TMEM135: variants seen among roughly 807,000 people sequenced by gnomAD.
TMEM135 encodes the protein transmembrane protein 135, also known as peroxisomal membrane protein 52.
Under a neutral mutation model 60.3 loss-of-function variants are expected in TMEM135, and 30 were observed. The observed-to-expected ratio is 0.50, with a 90% CI of 0.37 to 0.68. TMEM135 has a LOEUF of 0.68. TMEM135 is among the 30% of genes least tolerant of loss of function. The pLI, the probability that TMEM135 is intolerant of heterozygous loss-of-function variation, is 0.00. For missense variants in TMEM135, 468 were observed against 548.8 expected (o/e 0.85, Z 1.47); for synonymous variants, 190 against 186.7 (o/e 1.02, Z -0.14).
rs1270073290 is a variant in TMEM135, at chr11:87,327,756, A to G, written c.*6423A>G. 2 of 453,896 alleles carry G rather than the reference A, an allele frequency of 4.4e-6. No individual in the cohort carries two copies. The highest frequency in any genetic ancestry group is 8.8e-6 in the Non-Finnish European group (2 of 226,784). The allele number at this position is 453,896 out of a possible 1,614,324, so 28.1% of individuals were successfully genotyped here. A position where few individuals can be genotyped will look rare whatever the true frequency, so the allele number is the denominator to read the frequency against. On this transcript the variant is annotated 3_prime_UTR_variant, in exon 15 of 15. Transcript: ENST00000305494. Reference sequence around the variant, plus strand: ...CCAAGGCTGAATTTTCAAGTCTGAGAACCTGGGGGTGGGATGGGGGAGTGA... The same window carrying G: ...CCAAGGCTGAATTTTCAAGTCTGAGGACCTGGGGGTGGGATGGGGGAGTGA...
intron 6 of TMEM135, among the ~76,000 whole-genome samples, chr11:87,269,300 G>A: frequency 8.7e-6 from 1 of 115,078 alleles, no homozygotes; most frequent in Non-Finnish European, 1.9e-5. Flanking sequence ...TTTTTTTTAT[G>A]AGGAAGCTTT....
intron 5 of TMEM135, among the ~76,000 whole-genome samples, chr11:87,228,322 G>T (rs1468980789): frequency 1.3e-5 from 2 of 152,120 alleles, no homozygotes; most frequent in African/African-American, 4.8e-5. Context: ...GATCATGAAG[G>T]CTCCTGAATC....
Position 87,323,041 on chromosome 11 carries a change from TTATCCAGAAATTGTGCTTATA to T in TMEM135, c.*1712_*1732del, listed in dbSNP as rs1942852775. ...CCCTGAGAACTGCACCTCATTTTCT[TTATCCAGAAATTGTGCTTATA>T]TATTTTCCTGTCAGGTTTAAAAAGA... On this transcript the variant is annotated 3_prime_UTR_variant, in exon 15 of 15. Transcript: ENST00000305494. 2 of 454,272 alleles carry T rather than the reference TTATCCAGAAATTGTGCTTATA, an allele frequency of 4.4e-6. No individual in the cohort carries two copies. The highest frequency in any genetic ancestry group is 8.8e-6 in the Non-Finnish European group (2 of 226,718). The allele number at this position is 454,272 out of a possible 1,614,324, so 28.1% of individuals were successfully genotyped here. A position where few individuals can be genotyped will look rare whatever the true frequency, so the allele number is the denominator to read the frequency against.
At chr11:87,320,170 A>G (rs1424777073) in intron 14 of TMEM135, among the ~76,000 whole-genome samples, 1 of 152,178 alleles carries the variant, frequency 6.6e-6, no homozygotes, top group Non-Finnish European at 1.5e-5. Context: ...ATATGCATTT[A>G]ATCCTTAAAT....
At chr11:87,245,368 C>A (rs182760733) in intron 6 of TMEM135, among the ~76,000 whole-genome samples, 28 of 77,908 alleles carry the variant, frequency 3.6e-4, no homozygotes, top group Non-Finnish European at 5.3e-4. Flanking sequence ...CTGTTAGGTC[C>A]GCTTGGTGCA....
At chr11:87,311,819 C>G (rs937617850) in intron 10 of TMEM135, among the ~76,000 whole-genome samples, 2 of 151,748 alleles carry the variant, frequency 1.3e-5, no homozygotes, top group African/African-American at 4.8e-5. Context: ...GTTAACTGAC[C>G]CTTTTTTAAA....
chr11:87,046,816 G>T (rs1264576765), intron 1 of TMEM135, among the ~76,000 whole-genome samples: 2 of 152,174 alleles, frequency 1.3e-5, no homozygotes, highest in Admixed American at 1.3e-4. Flanking sequence ...AGAGATTGAG[G>T]TGGTAGTGTT....
chr11:87,295,907 A>G (rs529701062), intron 7 of TMEM135, 84 bp downstream of exon 7: 1 of 1,092,312 alleles, frequency 9.2e-7, no homozygotes, highest in South Asian at 1.4e-5. Context: ...ATAGGTATTG[A>G]CTAAGCATTT....
At chr11:87,118,577 T>C (rs182928514) in intron 4 of TMEM135, among the ~76,000 whole-genome samples, 1 of 152,162 alleles carries the variant, frequency 6.6e-6, no homozygotes, top group East Asian at 1.9e-4. Context: ...GCCTCCCAAG[T>C]AGCTGGGATA....
rs182295683 is a variant in TMEM135, at chr11:87,327,875, G to C, written c.*6542G>C. 9 of 454,028 alleles carry C rather than the reference G, an allele frequency of 2.0e-5. No individual in the cohort carries two copies. The highest frequency in any genetic ancestry group is 3.5e-5 in the Non-Finnish European group (8 of 226,770). 28.1% of individuals were successfully genotyped at this position (454,028 alleles called of 1,614,324 possible). A position where few individuals can be genotyped will look rare whatever the true frequency, so the allele number is the denominator to read the frequency against. ...GAGTGTATCCCTGCTGCAGGGGAGA[G>C]AGAGAAGCCAATTCTCCTTTCTTCT... On this transcript the variant is annotated 3_prime_UTR_variant, in exon 15 of 15. Coordinates refer to ENST00000305494, the MANE Select transcript of TMEM135 (RefSeq NM_022918.4).
intron 5 of TMEM135, among the ~76,000 whole-genome samples, chr11:87,190,798 T>G (rs1939781197): frequency 6.6e-6 from 1 of 152,210 alleles, no homozygotes; most frequent in Admixed American, 6.5e-5. Flanking sequence ...GCAATAGATA[T>G]TTCTCGATCT....
intron 5 of TMEM135, among the ~76,000 whole-genome samples, chr11:87,188,704 CA>C (rs11374133): frequency 6.8e-6 from 1 of 146,378 alleles, no homozygotes; most frequent in Non-Finnish European, 1.5e-5. Flanking sequence ...AACTCAGTCT[CA>C]AAAAAAAAAA....
intron 4 of TMEM135, chr11:87,095,166 G>A (rs917912877): frequency 1.7e-5 from 3 of 180,262 alleles, no homozygotes; most frequent in African/African-American, 7.1e-5. Flanking sequence ...GTAATGATCT[G>A]TGCTTCATAA....
At chr11:87,099,425 C>T (rs886248098) in intron 4 of TMEM135, among the ~76,000 whole-genome samples, 3 of 151,960 alleles carry the variant, frequency 2.0e-5, no homozygotes, top group East Asian at 1.9e-4. Flanking sequence ...GGTAGCATAT[C>T]GCAAAACTAT....
chr11:87,297,748 C>T (rs1355083918), intron 7 of TMEM135, among the ~76,000 whole-genome samples: 2 of 152,152 alleles, frequency 1.3e-5, no homozygotes, highest in African/African-American at 4.8e-5. Flanking sequence ...TTAATTCTTG[C>T]TAATATTCTT....
intron 4 of TMEM135, among the ~76,000 whole-genome samples, chr11:87,113,242 AT>A (rs763747754): frequency 2.0e-5 from 3 of 152,092 alleles, no homozygotes; most frequent in Non-Finnish European, 4.4e-5. Context: ...TCAGGCAAGA[AT>A]TACTTTTCTT....
At chr11:87,306,725 C>A (rs1281376352) in intron 9 of TMEM135, among the ~76,000 whole-genome samples, 1 of 151,456 alleles carries the variant, frequency 6.6e-6, no homozygotes. Context: ...GTTTTTTTTT[C>A]TTTTTTTGTT....
At chr11:87,249,667 C>T (rs1158347089) in intron 6 of TMEM135, among the ~76,000 whole-genome samples, 1 of 152,010 alleles carries the variant, frequency 6.6e-6, no homozygotes, top group Admixed American at 6.5e-5. Flanking sequence ...GGATAAATCC[C>T]AGTTTTTCAT....
At chr11:87,143,317 T>G (rs537691486) in intron 4 of TMEM135, among the ~76,000 whole-genome samples, 1 of 152,100 alleles carries the variant, frequency 6.6e-6, no homozygotes, top group South Asian at 2.1e-4. Context: ...ATGCAATACC[T>G]GGACCCATTT....
Sources: gnomAD v4.1 joint callset for allele counts (sites outside exome capture counted in the v4.1 genomes callset) on GRCh38, gnomAD v4.1.1 for gene constraint, MANE v1.5 for transcripts, NCBI Gene and HGNC (gene_info 2026-07-23, HGNC 2026-07-21) for gene names.